SLC24A2: variants seen among roughly 807,000 people sequenced by gnomAD.
The protein encoded by SLC24A2 is sodium/potassium/calcium exchanger 2.
In SLC24A2, 36 loss-of-function variants were observed where a neutral mutation model predicts 62.0. The ratio of observed to expected loss-of-function variants is 0.58; its 90% CI spans 0.44 to 0.77. SLC24A2 has a LOEUF of 0.77. SLC24A2 is among the 30% of genes least tolerant of loss of function. SLC24A2 has a pLI of 0.00. For missense variants in SLC24A2, 846 were observed against 817.9 expected, an observed-to-expected ratio of 1.03 and a Z score of -0.42; for synonymous variants, 358 against 294.0, an observed-to-expected ratio of 1.22 and a Z score of -2.23.
chr9:19,570,876 G>A (rs1382407268), intron 7 of SLC24A2, among the ~76,000 whole-genome samples: 1 of 152,136 alleles, frequency 6.6e-6, no homozygotes, highest in Non-Finnish European at 1.5e-5. Context: ...TGCTCTTGAG[G>A]TCCAGGTCAT....
chr9:19,956,445 T>A, the SLC24A2 span, among the ~76,000 whole-genome samples: 1 of 152,164 alleles, frequency 6.6e-6, no homozygotes, highest in Non-Finnish European at 1.5e-5. Context: ...TTTTTGGTTG[T>A]GATTAGGTCA....
the SLC24A2 span, among the ~76,000 whole-genome samples, chr9:19,935,957 TA>T: frequency 6.6e-6 from 1 of 152,212 alleles, no homozygotes; most frequent in African/African-American, 2.4e-5. Flanking sequence ...ATAAGTGCCT[TA>T]AAATATTTAG....
chr9:20,222,471 G>C, the SLC24A2 span, among the ~76,000 whole-genome samples: 3 of 152,018 alleles, frequency 2.0e-5, no homozygotes, highest in African/African-American at 7.2e-5. Context: ...GGTAATTTCT[G>C]TTTTAGAGAA....
At chr9:20,151,135 G>T in the SLC24A2 span, among the ~76,000 whole-genome samples, 1 of 151,174 alleles carries the variant, frequency 6.6e-6, no homozygotes, top group African/African-American at 2.5e-5. Context: ...CCCTAATTAA[G>T]TTATCAGCAT....
intron 2 of SLC24A2, among the ~76,000 whole-genome samples, chr9:19,766,781 C>T (rs1009415470): frequency 2.0e-5 from 3 of 152,234 alleles, no homozygotes; most frequent in African/African-American, 7.2e-5. Flanking sequence ...CAGCGACCCA[C>T]TTGAGGAGGC....
chr9:20,229,519 C>A, the SLC24A2 span, among the ~76,000 whole-genome samples: 1 of 152,056 alleles, frequency 6.6e-6, no homozygotes, highest in East Asian at 1.9e-4. Flanking sequence ...TTCATTTATA[C>A]AACAGAGTGA....
intron 5 of SLC24A2, among the ~76,000 whole-genome samples, chr9:19,579,810 T>G (rs905841064): frequency 6.6e-6 from 1 of 152,142 alleles, no homozygotes; most frequent in Admixed American, 6.5e-5. Context: ...AGTTTAGGTG[T>G]GTGCCAGAGA....
At chr9:19,635,940 C>G (rs1006189394) in intron 2 of SLC24A2, among the ~76,000 whole-genome samples, 8 of 152,190 alleles carry the variant, frequency 5.3e-5, no homozygotes, top group Non-Finnish European at 1.2e-4. Context: ...GTTGCCTTAG[C>G]AGGTTAACGT....
Position 19,511,674 on chromosome 9 carries a change from T to C in SLC24A2, c.*4479A>G, listed in dbSNP as rs1430772473. Reference sequence around the variant, plus strand: ...TATTAAGCCGGATCGTTAAGGAATATGTGGCTTAGCAAGAGTGAGCACTGA... The same window carrying C: ...TATTAAGCCGGATCGTTAAGGAATACGTGGCTTAGCAAGAGTGAGCACTGA... On this transcript the variant is annotated 3_prime_UTR_variant, in exon 11 of 11. Coordinates refer to ENST00000341998, the MANE Select transcript of SLC24A2 (RefSeq NM_020344.4). 2.0e-5 allele frequency: 3 copies of C among 152,210 alleles called. No individual in the cohort carries two copies. The East Asian group carries it at 5.8e-4, about 29-fold the overall frequency. The allele number at this position is 152,210 out of a possible 1,614,324, so 9.4% of individuals were successfully genotyped here.
intron 2 of SLC24A2, among the ~76,000 whole-genome samples, chr9:19,782,402 C>T (rs1823044092): frequency 6.6e-6 from 1 of 152,130 alleles, no homozygotes; most frequent in Admixed American, 6.6e-5. Flanking sequence ...TGCTAAGTCC[C>T]AGCCAATGAG....
chr9:20,016,645 C>T, the SLC24A2 span, among the ~76,000 whole-genome samples: 1 of 152,182 alleles, frequency 6.6e-6, no homozygotes, highest in African/African-American at 2.4e-5. Flanking sequence ...TCTCTGAGCA[C>T]TGAATGTTTC....
At chr9:19,525,419 T>TTTTA (rs869073500) in intron 9 of SLC24A2, among the ~76,000 whole-genome samples, 1 of 98,468 alleles carries the variant, frequency 1.0e-5, no homozygotes, top group Admixed American at 9.8e-5. Context: ...TTTTTTTTTT[T>TTTTA]AAAAGACAGG....
intron 7 of SLC24A2, among the ~76,000 whole-genome samples, chr9:19,552,249 AG>A (rs1834881330): frequency 6.6e-6 from 1 of 152,126 alleles, no homozygotes; most frequent in Admixed American, 6.5e-5. Context: ...TTGTGGATAT[AG>A]CAGGTGTAGA....
At chr9:19,853,020 G>C in the SLC24A2 span, among the ~76,000 whole-genome samples, 1 of 152,128 alleles carries the variant, frequency 6.6e-6, no homozygotes, top group Admixed American at 6.6e-5. Context: ...TCTCCTTGAA[G>C]AGGTCCTTCA....
At chr9:19,923,320 C>T in the SLC24A2 span, among the ~76,000 whole-genome samples, 6 of 152,140 alleles carry the variant, frequency 3.9e-5, no homozygotes, top group South Asian at 2.1e-4. Flanking sequence ...ATAGATGACA[C>T]GTTTAACATT....
At chr9:19,917,354 G>T in the SLC24A2 span, among the ~76,000 whole-genome samples, 156 of 140,362 alleles carry the variant, frequency 1.1e-3, 1 homozygote, top group African/African-American at 3.0e-3. Flanking sequence ...TTTTTGTGTG[G>T]TTTTTTTTTT....
chr9:19,787,091 A>T (rs1000588828), intron 1 of SLC24A2, 72 bp from the exon 2 acceptor site: 8 of 829,882 alleles, frequency 9.6e-6, no homozygotes, highest in Non-Finnish European at 1.2e-5. Context: ...CTTTGCAGAT[A>T]TGATAAAGTC....
At chr9:19,747,582 T>C (rs941090202) in intron 2 of SLC24A2, among the ~76,000 whole-genome samples, 2 of 152,226 alleles carry the variant, frequency 1.3e-5, no homozygotes, top group South Asian at 4.1e-4. Flanking sequence ...CATATTATTA[T>C]CTGACATATC....
At chr9:19,975,848 C>CA in the SLC24A2 span, among the ~76,000 whole-genome samples, 2 of 151,906 alleles carry the variant, frequency 1.3e-5, no homozygotes, top group African/African-American at 4.8e-5. Flanking sequence ...CAACCAACTT[C>CA]AGATTGAAAA....
Sources: allele counts gnomAD v4.1 joint callset (sites outside exome capture counted in the v4.1 genomes callset), GRCh38; gene constraint gnomAD v4.1.1; transcripts MANE v1.5; gene names NCBI Gene and HGNC (gene_info 2026-07-23, HGNC 2026-07-21).